Variants in ALG8 observed in about 807,000 individuals in gnomAD.
ALG8 encodes dolichyl pyrophosphate Glc1Man9GlcNAc2 alpha-1,3-glucosyltransferase.
A neutral mutation model predicts 70.2 loss-of-function variants in ALG8; 48 were observed. The ratio of observed to expected loss-of-function variants is 0.68; its 90% CI spans 0.54 to 0.87. The LOEUF is 0.87. ALG8 is among the 40% of genes least tolerant of loss of function. ALG8 has a pLI of 0.00. For synonymous variants in ALG8, 234 were observed against 229.0 expected (o/e 1.02, Z -0.20); for missense variants, 572 against 608.7 (o/e 0.94, Z 0.64).
At chr11:78,128,201 TC>T (rs1362564168) in intron 1 of ALG8, among the ~76,000 whole-genome samples, 6 of 152,166 alleles carry the variant, frequency 3.9e-5, no homozygotes, top group African/African-American at 1.4e-4. Context: ...TTCTCCCTCT[TC>T]CCATCACTAT....
At chr11:78,133,562 A>G (rs1276581547) in intron 1 of ALG8, 1 of 152,210 alleles carries the variant, frequency 6.6e-6, no homozygotes, top group Non-Finnish European at 1.5e-5. Flanking sequence ...ATATCGCAAT[A>G]AAGTGAGTCA....
intron 2 of ALG8, 69 bp from the exon 3 acceptor site, chr11:78,124,283 A>C: frequency 1.3e-6 from 2 of 1,521,194 alleles, no homozygotes; most frequent in Non-Finnish European, 1.8e-6. Flanking sequence ...CAACGATTTA[A>C]AATTTTTCAT....
At chr11:78,114,240 T>C (rs1565350572) in intron 6 of ALG8, 26 bp downstream of exon 6, 2 of 1,613,682 alleles carry the variant, frequency 1.2e-6, no homozygotes, top group Non-Finnish European at 1.7e-6. Flanking sequence ...ATCGAAAATG[T>C]TTTTGCTATT....
chr11:78,113,725 A>C lies in ALG8; in HGVS notation c.777+161T>G, dbSNP rs559013768. Among the ~76,000 whole-genome samples, 29 of 151,398 alleles carry C rather than the reference A, an allele frequency of 1.9e-4. No homozygotes were observed. In the East Asian group the frequency reaches 2.3e-3, roughly 12 times the overall value. On this transcript the variant is annotated intron_variant, in intron 7 of 12. Transcript: ENST00000299626. ...GAGACTCCATCTTAAACAAAAACAAAAAAAAAAAAGGAATACTGCCCTATC... is the reference window on the plus strand; with the variant it reads ...GAGACTCCATCTTAAACAAAAACAACAAAAAAAAAGGAATACTGCCCTATC...
intron 3 of ALG8, 110 bp from the exon 4 acceptor site, chr11:78,121,284 A>AT: frequency 6.7e-6 from 5 of 742,212 alleles, no homozygotes; most frequent in South Asian, 4.8e-5. Context: ...ACTACATGCC[A>AT]TTCTTTTTTT....
In ALG8 at chr11:78,109,389, A is replaced by T. The variant is rs1204336450; in HGVS notation, c.1038+53T>A. ...AAAGTTGAAATTTAATCAGCCAGAC[A>T]AAAGAAAAGCAGAGAAAACTCAAGA... On this transcript the variant is annotated intron_variant, in intron 9 of 12. Transcript: ENST00000299626. 4.3e-6 allele frequency: 7 copies of T among 1,611,630 alleles called. No homozygotes were observed. The East Asian group carries it at 1.1e-4, about 26-fold the overall frequency.
intron 1 of ALG8, chr11:78,133,501 T>G (rs113963508): frequency 8.5e-5 from 13 of 152,220 alleles, no homozygotes; most frequent in African/African-American, 3.1e-4. Context: ...TCGATTTTAG[T>G]GCAGGCATAC....
chr11:78,112,618 A>G, intron 8 of ALG8, 32 bp downstream of exon 8: 1 of 1,611,668 alleles, frequency 6.2e-7, no homozygotes, highest in Non-Finnish European at 8.5e-7. Context: ...TTCAATATTC[A>G]GAGTCTGAGT....
chr11:78,120,272 G>C (rs956082861), intron 4 of ALG8, among the ~76,000 whole-genome samples: 1 of 152,042 alleles, frequency 6.6e-6, no homozygotes, highest in Non-Finnish European at 1.5e-5. Context: ...GCAGCTCAGG[G>C]GCAAGAAGTT....
intron 5 of ALG8, among the ~76,000 whole-genome samples, chr11:78,115,285 C>T (rs991995834): frequency 3.7e-4 from 56 of 152,186 alleles, no homozygotes; most frequent in Non-Finnish European, 5.4e-4. Flanking sequence ...CCACCTGCCT[C>T]GGCCTCCCAA....
Position 78,112,758 on chromosome 11 carries a change from G to A in ALG8, c.790C>T (p.Gln264Ter). The A allele has an allele frequency of 6.2e-7, 1 of 1,613,764 alleles. No individual in the cohort carries two copies. The highest frequency in any genetic ancestry group is 2.2e-5 in the East Asian group (1 of 44,872). The part of the protein sequence containing the change: ...GPFLALNQLP[Q>*]VFSRLFPFKR... ...AAAGGAAAGAGTCGGGAAAAGACTT[G>A]AGGCAGCTGATTCTGTTGAAAAGAG... Residue 264 changes from glutamine (Q) to a stop codon, truncating the protein, a stop_gained, in exon 8 of 13, where the codon CAA (glutamine) becomes TAA (stop). Coordinates refer to ENST00000299626, the MANE Select transcript of ALG8 (RefSeq NM_024079.5). LOFTEE classifies it high-confidence loss of function.
At chr11:78,120,902 A>G (rs1860792989) in intron 4 of ALG8, among the ~76,000 whole-genome samples, 163 bp downstream of exon 4, 1 of 152,242 alleles carries the variant, frequency 6.6e-6, no homozygotes, top group African/African-American at 2.4e-5. Flanking sequence ...CTCAGAGTCC[A>G]GTGAAGTTGG....
intron 1 of ALG8, among the ~76,000 whole-genome samples, chr11:78,135,954 A>C (rs1219532775): frequency 6.6e-6 from 1 of 151,982 alleles, no homozygotes; most frequent in Non-Finnish European, 1.5e-5. Context: ...GGATCGCTTG[A>C]GGTCAGGAAT....
At chr11:78,102,150 T>C (rs371854097) in intron 12 of ALG8, among the ~76,000 whole-genome samples, 19 of 152,322 alleles carry the variant, frequency 1.2e-4, no homozygotes, top group African/African-American at 4.6e-4. Flanking sequence ...AGATCAATAA[T>C]ATGCGCCCAT....
intron 4 of ALG8, among the ~76,000 whole-genome samples, chr11:78,120,743 G>A (rs1467004234): frequency 6.6e-6 from 1 of 152,134 alleles, no homozygotes; most frequent in East Asian, 1.9e-4. Context: ...TCCAATTAAA[G>A]GTATTTGGAA....
chr11:78,120,365 T>C (rs763100259), intron 4 of ALG8, among the ~76,000 whole-genome samples: 61 of 152,324 alleles, frequency 4.0e-4, no homozygotes, highest in Non-Finnish European at 2.9e-4. Flanking sequence ...GCATTGTTTA[T>C]AGGACATATA....
intron 8 of ALG8, among the ~76,000 whole-genome samples, chr11:78,109,919 T>C (rs1183624418): frequency 6.6e-6 from 1 of 152,170 alleles, no homozygotes; most frequent in South Asian, 2.1e-4. Context: ...GAATCCTTCA[T>C]CTCCTATGGG....
At chr11:78,131,746 G>A (rs1341665682) in intron 1 of ALG8, among the ~76,000 whole-genome samples, 1 of 152,114 alleles carries the variant, frequency 6.6e-6, no homozygotes, top group Non-Finnish European at 1.5e-5. Flanking sequence ...GATTACAGGT[G>A]TGAGCCACTG....
intron 2 of ALG8, 59 bp from the exon 3 acceptor site, chr11:78,124,273 C>T: frequency 6.4e-7 from 1 of 1,560,590 alleles, no homozygotes; most frequent in Non-Finnish European, 8.8e-7. Flanking sequence ...AAAGATGGTG[C>T]AACGATTTAA....
Sources: gnomAD v4.1 joint callset for allele counts (sites outside exome capture counted in the v4.1 genomes callset) on GRCh38, gnomAD v4.1.1 for gene constraint, MANE v1.5 for transcripts, NCBI Gene and HGNC (gene_info 2026-07-23, HGNC 2026-07-21) for gene names.